Variants in ARMH3 observed in about 807,000 individuals in gnomAD.
ARMH3 encodes armadillo-like helical domain-containing protein 3.
A neutral mutation model predicts 99.1 loss-of-function variants in ARMH3; 60 were observed. The ratio of observed to expected loss-of-function variants is 0.61; its 90% CI spans 0.49 to 0.75. ARMH3 has a LOEUF of 0.75. ARMH3 is among the 30% of genes least tolerant of loss of function. The probability of loss-of-function intolerance (pLI) is 0.00; values close to 1 mark genes in which losing one functional copy is unlikely to be tolerated. For missense variants in ARMH3, 679 were observed against 843.1 expected (o/e 0.81, Z 2.41); for synonymous variants, 285 against 292.8 (o/e 0.97, Z 0.27).
chr10:102,044,660 A>T (rs1375448621), intron 1 of ARMH3, among the ~76,000 whole-genome samples: 3 of 152,134 alleles, frequency 2.0e-5, no homozygotes, highest in Non-Finnish European at 4.4e-5. Context: ...CACTGCACCC[A>T]GCCTTAGGTT....
chr10:101,996,341 T>C (rs1847052462), intron 15 of ARMH3, among the ~76,000 whole-genome samples: 1 of 152,250 alleles, frequency 6.6e-6, no homozygotes, highest in African/African-American at 2.4e-5. Flanking sequence ...ACCCTGACAT[T>C]GACCTGCTTC....
intron 24 of ARMH3, among the ~76,000 whole-genome samples, chr10:101,866,469 G>A (rs1176087141): frequency 1.4e-5 from 2 of 137,962 alleles, no homozygotes; most frequent in Admixed American, 7.8e-5. Flanking sequence ...TGAATCCAGT[G>A]TAAGGACAAG....
chr10:102,002,960 CAAAT>C (rs72287750), intron 14 of ARMH3, among the ~76,000 whole-genome samples: 41,529 of 135,804 alleles, frequency 0.31, 6,651 homozygotes, highest in Non-Finnish European at 0.37. Context: ...GACTCTGTCA[CAAAT>C]AAATAAATAA....
At chr10:101,974,533 A>G (rs143212098) in intron 20 of ARMH3, among the ~76,000 whole-genome samples, 1 of 152,322 alleles carries the variant, frequency 6.6e-6, no homozygotes, top group Non-Finnish European at 1.5e-5. Context: ...ACTTAGTCAC[A>G]CAAAAGAAAG....
At chr10:101,921,406 T>C (rs1843300385) in intron 23 of ARMH3, among the ~76,000 whole-genome samples, 1 of 152,196 alleles carries the variant, frequency 6.6e-6, no homozygotes, top group Non-Finnish European at 1.5e-5. Flanking sequence ...TTTCTGGGGT[T>C]CTATGTCCTG....
chr10:101,987,221 C>A (rs2046462811), intron 19 of ARMH3, among the ~76,000 whole-genome samples: 1 of 152,148 alleles, frequency 6.6e-6, no homozygotes, highest in South Asian at 2.1e-4. Flanking sequence ...ACTCTACACT[C>A]TAACCACCTG....
chr10:102,006,261 G>T (rs2066485250), intron 14 of ARMH3, among the ~76,000 whole-genome samples: 5 of 152,204 alleles, frequency 3.3e-5, no homozygotes, highest in Admixed American at 3.3e-4. Flanking sequence ...GGCAGGACAG[G>T]CATTACTGAC....
intron 16 of ARMH3, among the ~76,000 whole-genome samples, chr10:101,994,349 A>C (rs1467421874): frequency 1.3e-5 from 2 of 152,230 alleles, no homozygotes; most frequent in African/African-American, 4.8e-5. Context: ...AGCCACCCCT[A>C]ATCTTGTGAA....
At chr10:102,015,031 C>A (rs2066715088) in intron 8 of ARMH3, among the ~76,000 whole-genome samples, 1 of 152,200 alleles carries the variant, frequency 6.6e-6, no homozygotes. Context: ...CTGAGGGCAT[C>A]TTTCGCACGT....
In ARMH3 at chr10:102,009,402, T is replaced by C. The variant is rs1282862256; in HGVS notation, c.926A>G (p.Asn309Ser). 3 of 1,614,006 alleles carry C rather than the reference T, an allele frequency of 1.9e-6. No homozygotes were observed. Among genetic ancestry groups the C allele is most frequent in the African/African-American group, 2.7e-5 (2 of 74,912 alleles). ...AGCTAATACTGTGATGAAGTTGCGA[T>C]TTAAATGAACAGCTTCATAAAGTGC... is the stretch of plus-strand genomic sequence containing the variant. The part of the protein sequence containing the change: ...LLALYEAVHL[N>S]RNFITVLAQS... The change falls in exon 13 of 26, where the codon AAT becomes AGT. Residue 309 changes from asparagine (N) to serine (S), a missense_variant. Asn to Ser is a conservative substitution (Grantham distance 46). Coordinates refer to ENST00000370033, the MANE Select transcript of ARMH3 (RefSeq NM_024541.3).
chr10:101,846,989 C>T lies in ARMH3; in HGVS notation c.*539G>A, dbSNP rs926770347. The stretch of plus-strand genomic sequence containing the variant: ...AAAAAAAGGAAAAAGGTACCCTATT[C>T]CTATCTTACCCTAAATCTGAGCCAA... On this transcript the variant is annotated 3_prime_UTR_variant, in exon 26 of 26. Coordinates refer to ENST00000370033, the MANE Select transcript of ARMH3 (RefSeq NM_024541.3). The T allele has an allele frequency of 5.9e-5, 9 of 152,754 alleles. No homozygotes were observed. Among genetic ancestry groups the T allele is most frequent in the African/African-American group, 2.2e-4 (9 of 41,416 alleles). The allele number at this position is 152,754 out of a possible 1,614,324, so 9.5% of individuals were successfully genotyped here. A position where few individuals can be genotyped will look rare whatever the true frequency, so the allele number is the denominator to read the frequency against.
At chr10:102,035,409 C>G (rs570885814) in intron 2 of ARMH3, among the ~76,000 whole-genome samples, 1 of 152,302 alleles carries the variant, frequency 6.6e-6, no homozygotes, top group African/African-American at 2.4e-5. Flanking sequence ...CCTCTCCCCA[C>G]GGTCTCCCTC....
chr10:102,010,151 C>T (rs2066599888), intron 11 of ARMH3, 128 bp from the exon 12 acceptor site: 1 of 737,538 alleles, frequency 1.4e-6, no homozygotes, highest in Non-Finnish European at 2.3e-6. Flanking sequence ...AACTCTAGGC[C>T]ATAAGTCACA....
chr10:101,960,565 T>G (rs1845248394), intron 20 of ARMH3, among the ~76,000 whole-genome samples: 2 of 152,240 alleles, frequency 1.3e-5, no homozygotes, highest in Middle Eastern at 3.4e-3. Flanking sequence ...ACTAGGACCT[T>G]GTCACCTGTT....
intron 23 of ARMH3, among the ~76,000 whole-genome samples, chr10:101,914,434 G>C (rs1198216066): frequency 1.3e-5 from 2 of 148,816 alleles, no homozygotes; most frequent in African/African-American, 5.0e-5. Flanking sequence ...GTTGCAGTGA[G>C]CCAAGATCAC....
At chr10:101,916,796 A>C (rs1439826953) in intron 23 of ARMH3, among the ~76,000 whole-genome samples, 1 of 152,204 alleles carries the variant, frequency 6.6e-6, no homozygotes. Flanking sequence ...TAGTCTGTTG[A>C]AAGCCCACCT....
At chr10:101,997,940 A>C (rs1847137500) in intron 15 of ARMH3, among the ~76,000 whole-genome samples, 1 of 152,166 alleles carries the variant, frequency 6.6e-6, no homozygotes, top group African/African-American at 2.4e-5. Flanking sequence ...GGCATGCAGC[A>C]GGGGCTGAGG....
intron 19 of ARMH3, among the ~76,000 whole-genome samples, chr10:101,986,605 A>C (rs1846520404): frequency 6.6e-6 from 1 of 152,206 alleles, no homozygotes; most frequent in Admixed American, 6.5e-5. Flanking sequence ...GGAAGATTAT[A>C]AACTTATCTG....
chr10:101,965,323 T>C lies in ARMH3; in HGVS notation c.1496-7591A>G, dbSNP rs147445803. Among the ~76,000 whole-genome samples, 614 of 152,308 alleles carry C rather than the reference T, an allele frequency of 4.0e-3. 4 individuals are homozygous for C. Among genetic ancestry groups the C allele is most frequent in the Non-Finnish European group, 5.8e-3 (395 of 68,022 alleles). ...ACATTCACGTCAAAGTACACCATAC[T>C]AAGTACAGGGACAAACACACAAAGA... is the stretch of plus-strand genomic sequence containing the variant. On this transcript the variant is annotated intron_variant, in intron 20 of 25. Transcript: ENST00000370033.
Sources: allele counts gnomAD v4.1 joint callset (sites outside exome capture counted in the v4.1 genomes callset), GRCh38; gene constraint gnomAD v4.1.1; transcripts MANE v1.5; gene names NCBI Gene and HGNC (gene_info 2026-07-23, HGNC 2026-07-21).